NXPE2: variants seen among roughly 807,000 people sequenced by gnomAD.
NXPE2 encodes neurexophilin and PC-esterase domain family member 2, also known as NXPE family member 2.
In NXPE2, 34 loss-of-function variants were observed where a neutral mutation model predicts 34.4. That is an observed-to-expected ratio of 0.99 (90% CI 0.75 to 1.31). NXPE2 has a LOEUF of 1.31. NXPE2 is among the 40% of genes most tolerant of loss of function. The probability of loss-of-function intolerance (pLI) is 0.00; values close to 1 mark genes in which losing one functional copy is unlikely to be tolerated. For missense variants in NXPE2, 649 were observed against 672.5 expected (o/e 0.97, Z 0.39); for synonymous variants, 235 against 231.3 (o/e 1.02, Z -0.15).
Position 114,698,304 on chromosome 11 carries a change from T to C in NXPE2, c.392T>C (p.Ile131Thr). Reference protein sequence around the residue: ...DTYCRGDQLDILLEVRDHLGH... With the variant: ...DTYCRGDQLDTLLEVRDHLGH... ...TACTGCAGGGGGGATCAGCTGGACA[T>C]CCTTCTGGAGGTGAGGGACCACTTG... The change falls in exon 3 of 6, where the codon ATC becomes ACC. Residue 131 changes from isoleucine (I) to threonine (T), a missense_variant. Ile to Thr is a moderately conservative substitution (Grantham distance 89). Transcript: ENST00000389586. 1 of 1,613,970 alleles carries C rather than the reference T, an allele frequency of 6.2e-7. No individual in the cohort carries two copies. Among genetic ancestry groups the C allele is most frequent in the Non-Finnish European group, 8.5e-7 (1 of 1,179,928 alleles).
downstream of NXPE2, among the ~76,000 whole-genome samples, chr11:114,709,888 C>T (rs2459758): frequency 3.7e-3 from 550 of 149,472 alleles, 2 homozygotes; most frequent in Non-Finnish European, 6.6e-3. Flanking sequence ...GGTGACAGAG[C>T]GAGACTCTGT....
the NXPE2 span, among the ~76,000 whole-genome samples, chr11:114,720,408 C>T: frequency 2.6e-5 from 4 of 152,210 alleles, no homozygotes; most frequent in Admixed American, 1.3e-4. Context: ...AGTGTTTCCT[C>T]TGAAGTTAAC....
the NXPE2 span, among the ~76,000 whole-genome samples, chr11:114,545,311 C>G: frequency 6.6e-6 from 1 of 152,142 alleles, no homozygotes; most frequent in Admixed American, 6.5e-5. Flanking sequence ...CTGGAAGCAA[C>G]CAAGAGCTCT....
the NXPE2 span, among the ~76,000 whole-genome samples, chr11:114,507,021 T>C: frequency 6.6e-6 from 1 of 151,260 alleles, no homozygotes; most frequent in Non-Finnish European, 1.5e-5. Context: ...ATAAACACAA[T>C]CAGAAATGAC....
chr11:114,766,415 T>C, the NXPE2 span, among the ~76,000 whole-genome samples: 1 of 152,188 alleles, frequency 6.6e-6, no homozygotes, highest in African/African-American at 2.4e-5. Flanking sequence ...TGACTCTACA[T>C]CTACAGCCTT....
At chr11:114,470,628 CAG>C in the NXPE2 span, among the ~76,000 whole-genome samples, 1 of 122,408 alleles carries the variant, frequency 8.2e-6, no homozygotes, top group Non-Finnish European at 1.8e-5. Flanking sequence ...TGTGTGTATA[CAG>C]AGAGGTACTT....
Position 114,696,275 on chromosome 11 carries a change from T to C in NXPE2, c.133-1770T>C, listed in dbSNP as rs185997112. 1.1e-3 allele frequency among the ~76,000 whole-genome samples: 155 copies of C among 142,808 alleles called. 1 individual carries two copies. Among genetic ancestry groups the C allele is most frequent in the Admixed American group, 9.5e-3 (127 of 13,336 alleles). The allele number at this position is 142,808 out of a possible 152,430, so 93.7% of individuals were successfully genotyped here. A position where few individuals can be genotyped will look rare whatever the true frequency, so the allele number is the denominator to read the frequency against. On this transcript the variant is annotated intron_variant, in intron 2 of 5. Transcript: ENST00000389586. ...GGAGCCTGGTAGGTCAAGGATCCAG[T>C]GAGCTGTGATTGTGCCACTGCAATC...
At chr11:114,538,728 A>G in the NXPE2 span, among the ~76,000 whole-genome samples, 2 of 152,158 alleles carry the variant, frequency 1.3e-5, no homozygotes, top group African/African-American at 4.8e-5. Context: ...TCAAAACCAC[A>G]ATGAGATACC....
chr11:114,497,749 A>G, the NXPE2 span, among the ~76,000 whole-genome samples: 1 of 152,232 alleles, frequency 6.6e-6, no homozygotes. Flanking sequence ...GGTAAAATAC[A>G]GAGATATTCC....
chr11:114,560,321 A>C, the NXPE2 span, among the ~76,000 whole-genome samples: 1 of 137,942 alleles, frequency 7.2e-6, no homozygotes, highest in Non-Finnish European at 1.5e-5. Flanking sequence ...CCCAGGCTGG[A>C]GTGCAGTGGC....
the NXPE2 span, among the ~76,000 whole-genome samples, chr11:114,744,212 A>G: frequency 6.6e-6 from 1 of 152,132 alleles, no homozygotes; most frequent in South Asian, 2.1e-4. Context: ...TTTTGTGCAA[A>G]TTAGAGATAC....
the NXPE2 span, among the ~76,000 whole-genome samples, chr11:114,636,180 G>A: frequency 6.6e-6 from 1 of 152,002 alleles, no homozygotes; most frequent in African/African-American, 2.4e-5. Flanking sequence ...CTTCTTCCTG[G>A]TTTAGTCTTA....
chr11:114,471,343 A>T, the NXPE2 span, among the ~76,000 whole-genome samples: 1 of 152,154 alleles, frequency 6.6e-6, no homozygotes, highest in African/African-American at 2.4e-5. Flanking sequence ...CACTTTTTGC[A>T]TATGGGTATT....
chr11:114,548,563 C>A, the NXPE2 span, among the ~76,000 whole-genome samples: 1 of 151,812 alleles, frequency 6.6e-6, no homozygotes, highest in African/African-American at 2.4e-5. Context: ...CTAAACAACT[C>A]GTGACTCAAA....
At chr11:114,627,348 G>C in the NXPE2 span, among the ~76,000 whole-genome samples, 1 of 152,044 alleles carries the variant, frequency 6.6e-6, no homozygotes, top group South Asian at 2.1e-4. Flanking sequence ...AGCCAGAAGA[G>C]AGTGGGGACC....
chr11:114,495,157 C>G, the NXPE2 span, among the ~76,000 whole-genome samples: 4 of 152,180 alleles, frequency 2.6e-5, no homozygotes, highest in African/African-American at 7.2e-5. Flanking sequence ...GGTGCTGGAT[C>G]AGACCTGAAA....
At chr11:114,741,979 G>T in the NXPE2 span, among the ~76,000 whole-genome samples, 22 of 152,192 alleles carry the variant, frequency 1.4e-4, no homozygotes, top group East Asian at 2.9e-3. Context: ...TTGCCAATCA[G>T]CCCAACTAGG....
chr11:114,722,907 T>C, the NXPE2 span, among the ~76,000 whole-genome samples: 1 of 152,192 alleles, frequency 6.6e-6, no homozygotes, highest in African/African-American at 2.4e-5. Flanking sequence ...CGTGCTAACT[T>C]TTAAAATGTC....
the NXPE2 span, among the ~76,000 whole-genome samples, chr11:114,654,939 A>T: frequency 6.6e-6 from 1 of 152,196 alleles, no homozygotes. Flanking sequence ...TCCCACCAAC[A>T]GTGTAAAAGC....
Sources: gnomAD v4.1 joint callset for allele counts (sites outside exome capture counted in the v4.1 genomes callset) on GRCh38, gnomAD v4.1.1 for gene constraint, MANE v1.5 for transcripts, NCBI Gene and HGNC (gene_info 2026-07-23, HGNC 2026-07-21) for gene names.